The following PI4K2B variants were observed in gnomAD, a reference collection of about 807,000 sequenced individuals.
PI4K2B encodes the protein phosphatidylinositol 4-kinase type 2 beta.
In PI4K2B, 46 loss-of-function variants were observed where a neutral mutation model predicts 56.6. That is an observed-to-expected ratio of 0.81 (90% CI 0.64 to 1.04). PI4K2B has a LOEUF of 1.04. PI4K2B is among the 50% of genes least tolerant of loss of function. The pLI is 0.00. For synonymous variants in PI4K2B, 211 were observed against 223.8 expected, an observed-to-expected ratio of 0.94 and a Z score of 0.51; for missense variants, 556 against 607.7, an observed-to-expected ratio of 0.91 and a Z score of 0.89.
chr4:25,273,731 T>C (rs1483263860), intron 9 of PI4K2B, among the ~76,000 whole-genome samples: 1 of 152,220 alleles, frequency 6.6e-6, no homozygotes, highest in Non-Finnish European at 1.5e-5. Context: ...TCTTCCACGC[T>C]GAAACAAGAA....
At chr4:25,258,876 A>T (rs189213870) in intron 4 of PI4K2B, among the ~76,000 whole-genome samples, 161 bp from the exon 5 acceptor site, 23 of 152,336 alleles carry the variant, frequency 1.5e-4, no homozygotes, top group African/African-American at 5.3e-4. Context: ...AAATTAGTGT[A>T]TAAAAATGGT....
At chr4:25,243,438 A>G (rs1715623163) in intron 1 of PI4K2B, among the ~76,000 whole-genome samples, 1 of 152,182 alleles carries the variant, frequency 6.6e-6, no homozygotes, top group Admixed American at 6.5e-5. Context: ...TCCTCTCTGA[A>G]CCACCAAGGT....
At chr4:25,253,929 G>A (rs1192070473) in intron 2 of PI4K2B, among the ~76,000 whole-genome samples, 5 of 152,086 alleles carry the variant, frequency 3.3e-5, no homozygotes, top group South Asian at 2.1e-4. Context: ...TCGCCACCAC[G>A]CCGAGCTAAT....
chr4:25,249,635 A>T (rs1166192022), intron 1 of PI4K2B, among the ~76,000 whole-genome samples: 30 of 150,716 alleles, frequency 2.0e-4, no homozygotes, highest in Non-Finnish European at 4.4e-5. Context: ...GCGGCCGGTC[A>T]GAGACACTCC....
At chr4:25,263,647 G>T in intron 6 of PI4K2B, 103 bp from the exon 7 acceptor site, 1 of 471,176 alleles carries the variant, frequency 2.1e-6, no homozygotes, top group Non-Finnish European at 3.8e-6. Flanking sequence ...AGGCTCATCC[G>T]AGAGAATATG....
chr4:25,265,760 G>T (rs1338765287), intron 7 of PI4K2B, among the ~76,000 whole-genome samples: 1 of 152,144 alleles, frequency 6.6e-6, no homozygotes, highest in Non-Finnish European at 1.5e-5. Context: ...TTTGCAATTT[G>T]TTAGTAATTT....
At chr4:25,254,356 A>C in intron 2 of PI4K2B, 1 of 822,586 alleles carries the variant, frequency 1.2e-6, no homozygotes, top group Non-Finnish European at 1.5e-6. Flanking sequence ...ATAGTGAATA[A>C]TAACACTGTT....
chr4:25,254,334 G>T (rs1716174413), intron 2 of PI4K2B: 1 of 696,064 alleles, frequency 1.4e-6, no homozygotes, highest in African/African-American at 1.9e-5. Context: ...ATGTAATGTG[G>T]ATATTTAATA....
chr4:25,269,474 T>G (rs892352889), intron 9 of PI4K2B, among the ~76,000 whole-genome samples: 1 of 151,818 alleles, frequency 6.6e-6, no homozygotes, highest in African/African-American at 2.4e-5. Context: ...CCATCTCTAC[T>G]AAAAATACAA....
chr4:25,271,948 G>A (rs1049144804), intron 9 of PI4K2B, among the ~76,000 whole-genome samples: 2 of 152,112 alleles, frequency 1.3e-5, no homozygotes, highest in African/African-American at 4.8e-5. Context: ...TTCAAGATCA[G>A]CCTGGGCAAA....
In PI4K2B at chr4:25,260,528, G is replaced by A. The variant is rs1270057019; in HGVS notation, c.915G>A (p.Arg305=). ...TTTTCTTGTTTGTTTTGAAAGACAG[G>A]GGCAATGATAATTGGTTAGTCAGAT... ...ILDYIIRNTD[R]GNDNWLVRYE... The change falls in exon 6 of 10, where the codon AGG becomes AGA. Residue 305 remains arginine (R), a synonymous_variant. Coordinates refer to ENST00000264864, the MANE Select transcript of PI4K2B (RefSeq NM_018323.4). 2.8e-6 allele frequency: 4 copies of A among 1,418,812 alleles called. No individual in the cohort carries two copies. Among genetic ancestry groups the A allele is most frequent in the Non-Finnish European group, 3.8e-6 (4 of 1,064,620 alleles). 87.9% of individuals were successfully genotyped at this position (1,418,812 alleles called of 1,614,324 possible).
intron 1 of PI4K2B, among the ~76,000 whole-genome samples, chr4:25,240,782 ACTCT>A (rs1310193937): frequency 6.7e-6 from 1 of 149,498 alleles, no homozygotes; most frequent in Non-Finnish European, 1.5e-5. Flanking sequence ...TCTCTTTCTG[ACTCT>A]CTGACTTTGT....
At chr4:25,276,868 A>G (rs1019982057) in intron 9 of PI4K2B, 146 bp from the exon 10 acceptor site, 2 of 1,343,564 alleles carry the variant, frequency 1.5e-6, no homozygotes, top group Admixed American at 3.1e-5. Flanking sequence ...TATAATACAT[A>G]TTTATAACAG....
At chr4:25,247,150 C>A (rs1303135326) in intron 1 of PI4K2B, among the ~76,000 whole-genome samples, 6 of 152,214 alleles carry the variant, frequency 3.9e-5, no homozygotes, top group African/African-American at 1.4e-4. Flanking sequence ...GCAAGGGCTG[C>A]CAGCATGCTG....
In PI4K2B at chr4:25,236,093, A is replaced by G. The variant is rs180940644; in HGVS notation, c.268+1662A>G. Among the ~76,000 whole-genome samples the G allele has an allele frequency of 1.2e-3, 178 of 152,226 alleles. 2 individuals carry two copies. The South Asian group carries it at 0.021, about 18-fold the overall frequency. ...AATTCCTACCTTTTTTAAAGGTAATATCTTACCTGTATCACAGTTTACAAT... is the reference window on the plus strand; with the variant it reads ...AATTCCTACCTTTTTTAAAGGTAATGTCTTACCTGTATCACAGTTTACAAT... On this transcript the variant is annotated intron_variant, in intron 1 of 9. Coordinates refer to ENST00000264864, the MANE Select transcript of PI4K2B (RefSeq NM_018323.4).
intron 9 of PI4K2B, among the ~76,000 whole-genome samples, chr4:25,273,961 C>T (rs963508942): frequency 7.9e-5 from 12 of 152,074 alleles, no homozygotes; most frequent in Admixed American, 2.6e-4. Context: ...CTCTTGCGCA[C>T]GCGATTCTTT....
At chr4:25,274,700 C>T (rs369684360) in intron 9 of PI4K2B, among the ~76,000 whole-genome samples, 51 of 152,124 alleles carry the variant, frequency 3.4e-4, no homozygotes, top group African/African-American at 1.2e-3. Context: ...TCTGAATTCC[C>T]GAAGAAATAT....
intron 7 of PI4K2B, 89 bp from the exon 8 acceptor site, chr4:25,268,354 C>A: frequency 9.4e-7 from 1 of 1,064,478 alleles, no homozygotes; most frequent in Non-Finnish European, 1.4e-6. Context: ...TTGGGGAGAA[C>A]CTAGGAGTTG....
chr4:25,259,124 A>G lies in PI4K2B; in HGVS notation c.844A>G (p.Ile282Val), dbSNP rs1227075276. 6.3e-7 allele frequency: 1 copy of G among 1,583,260 alleles called. No individual in the cohort carries two copies. The highest frequency in any genetic ancestry group is 8.7e-7 in the Non-Finnish European group (1 of 1,152,688). Residue 282 changes from isoleucine (I) to valine (V), a missense_variant, in exon 5 of 10, where the codon ATT becomes GTT. Physicochemically the swap from Ile to Val is conservative, Grantham distance 29. Transcript: ENST00000264864. ...KFEADPLPEN[I>V]RKQFQSQFER... ...TGAAGCTGACCCTTTGCCTGAGAAT[A>G]TTAGAAAACAATTTCAGTCACAATT... is the stretch of plus-strand genomic sequence containing the variant.
Sources: gnomAD v4.1 joint callset for allele counts (sites outside exome capture counted in the v4.1 genomes callset) on GRCh38, gnomAD v4.1.1 for gene constraint, MANE v1.5 for transcripts, NCBI Gene and HGNC (gene_info 2026-07-23, HGNC 2026-07-21) for gene names.